ITPR1: variants seen among roughly 807,000 people sequenced by gnomAD.
ITPR1 encodes inositol 1,4,5-trisphosphate receptor type 1, also known as inositol 1,4,5-trisphosphate-gated calcium channel ITPR1.
A neutral mutation model predicts 318.4 loss-of-function variants in ITPR1; 96 were observed. That is an observed-to-expected ratio of 0.30 (90% confidence interval 0.26 to 0.36). The LOEUF is 0.36. Among genes scored for constraint, ITPR1 ranks in the 10% least tolerant of loss-of-function variants. The pLI, the probability that ITPR1 is intolerant of heterozygous loss-of-function variation, is 1.00. For synonymous variants in ITPR1, 1,312 were observed against 1,289.9 expected, an observed-to-expected ratio of 1.02 and a Z score of -0.37; for missense variants, 2,440 against 3,460.2, an observed-to-expected ratio of 0.71 and a Z score of 7.40.
intron 4 of ITPR1, among the ~76,000 whole-genome samples, chr3:4,610,639 C>T (rs1037031334): frequency 2.0e-5 from 3 of 152,110 alleles, no homozygotes; most frequent in Admixed American, 1.3e-4. Flanking sequence ...CTGAGAGGTA[C>T]TGAGGATGTA....
At chr3:4,676,163 G>C (rs1292127280) in intron 23 of ITPR1, among the ~76,000 whole-genome samples, 1 of 146,012 alleles carries the variant, frequency 6.8e-6, no homozygotes, top group Non-Finnish European at 1.5e-5. Flanking sequence ...GCAATATAGA[G>C]AGAACCTATC....
At chr3:4,795,543 C>G (rs2125415734) in intron 53 of ITPR1, among the ~76,000 whole-genome samples, 1 of 152,318 alleles carries the variant, frequency 6.6e-6, no homozygotes, top group South Asian at 2.1e-4. Context: ...AGAGCTAACC[C>G]TAAAACGTAG....
chr3:4,792,825 G>A (rs965426887), intron 52 of ITPR1, among the ~76,000 whole-genome samples: 1 of 152,220 alleles, frequency 6.6e-6, no homozygotes, highest in African/African-American at 2.4e-5. Flanking sequence ...GTTAAGTCCA[G>A]CCCATACTCA....
intron 18 of ITPR1, 55 bp downstream of exon 18, chr3:4,667,604 G>A: frequency 8.0e-6 from 12 of 1,505,694 alleles, no homozygotes; most frequent in Non-Finnish European, 1.1e-5. Context: ...AAGATGCAGG[G>A]ACTTAGCTGG....
chr3:4,703,189 G>T (rs546899924), intron 36 of ITPR1, among the ~76,000 whole-genome samples: 1 of 152,270 alleles, frequency 6.6e-6, no homozygotes, highest in African/African-American at 2.4e-5. Context: ...AGATAAACAA[G>T]CTTCCATGGT....
chr3:4,722,645 A>G (rs1037091890), intron 40 of ITPR1, among the ~76,000 whole-genome samples: 7 of 152,188 alleles, frequency 4.6e-5, no homozygotes, highest in Non-Finnish European at 7.3e-5. Flanking sequence ...CTTATCCTCA[A>G]GGAAACATAG....
intron 39 of ITPR1, among the ~76,000 whole-genome samples, chr3:4,715,129 C>T (rs529626496): frequency 1.3e-5 from 2 of 152,262 alleles, no homozygotes; most frequent in South Asian, 4.2e-4. Context: ...AGAATTTGCC[C>T]GGGGTTACAT....
intron 2 of ITPR1, among the ~76,000 whole-genome samples, chr3:4,505,203 C>G (rs2081314320): frequency 6.6e-6 from 1 of 152,036 alleles, no homozygotes; most frequent in Non-Finnish European, 1.5e-5. Context: ...CTTTTTTCCC[C>G]TTGTTTTTGA....
intron 2 of ITPR1, among the ~76,000 whole-genome samples, chr3:4,495,240 G>GT (rs1445712873): frequency 8.3e-6 from 1 of 120,922 alleles, no homozygotes; most frequent in Admixed American, 1.1e-4. Flanking sequence ...GCTATCAGGA[G>GT]TTTTTTCTCC....
At chr3:4,780,755 T>G (rs1306434506) in intron 49 of ITPR1, among the ~76,000 whole-genome samples, 1 of 152,154 alleles carries the variant, frequency 6.6e-6, no homozygotes, top group Non-Finnish European at 1.5e-5. Flanking sequence ...ATAACAAGCT[T>G]ATGTAACTGG....
rs546859832 is a variant in ITPR1, at chr3:4,615,583, T to A, written c.164-12180T>A. Among the ~76,000 whole-genome samples the A allele has an allele frequency of 1.2e-3, 175 of 151,786 alleles. 1 individual carries two copies. Among genetic ancestry groups the A allele is most frequent in the African/African-American group, 3.8e-3 (159 of 41,392 alleles). On this transcript the variant is annotated intron_variant, in intron 4 of 61. Transcript: ENST00000649015. ...TAGAGATGGTGTTTCACCATGTTGG[T>A]CAGGCTGGTCTCGAACTCCTGACCT...
chr3:4,702,787 A>AT, intron 35 of ITPR1, 43 bp from the exon 36 acceptor site: 1 of 1,599,270 alleles, frequency 6.3e-7, no homozygotes, highest in Non-Finnish European at 8.5e-7. Context: ...TAGTCTACAA[A>AT]TAAAAATCTG....
chr3:4,575,240 A>G (rs1288506238), intron 4 of ITPR1, among the ~76,000 whole-genome samples: 2 of 152,196 alleles, frequency 1.3e-5, no homozygotes, highest in East Asian at 3.8e-4. Context: ...GCACAAATAA[A>G]AGAGATCACA....
At chr3:4,607,011 A>C (rs2091750710) in intron 4 of ITPR1, among the ~76,000 whole-genome samples, 1 of 152,170 alleles carries the variant, frequency 6.6e-6, no homozygotes, top group African/African-American at 2.4e-5. Flanking sequence ...CCACGTGAGA[A>C]GTCTGACATT....
At chr3:4,815,018 G>T in intron 58 of ITPR1, 35 bp from the exon 59 acceptor site, 1 of 1,572,050 alleles carries the variant, frequency 6.4e-7, no homozygotes, top group Non-Finnish European at 8.7e-7. Context: ...GGGTCGCAAG[G>T]GACCCAGACT....
chr3:4,815,017 G>T (rs749665127), intron 58 of ITPR1, 36 bp from the exon 59 acceptor site: 4 of 1,555,468 alleles, frequency 2.6e-6, no homozygotes, highest in African/African-American at 1.4e-5. Flanking sequence ...AGGGTCGCAA[G>T]GGACCCAGAC....
intron 10 of ITPR1, among the ~76,000 whole-genome samples, chr3:4,649,415 TGTAGTAATGA>T (rs2093544110): frequency 6.6e-6 from 1 of 152,218 alleles, no homozygotes; most frequent in South Asian, 2.1e-4. Flanking sequence ...ATTTTATATT[TGTAGTAATGA>T]GCCAGGGTTT....
intron 51 of ITPR1, among the ~76,000 whole-genome samples, chr3:4,786,761 T>G (rs2047222963): frequency 1.3e-5 from 2 of 152,192 alleles, no homozygotes; most frequent in South Asian, 4.1e-4. Context: ...TGTCCACCCC[T>G]GGGGCCCAAA....
chr3:4,761,118 ACCACC>A (rs1333866979), intron 44 of ITPR1, among the ~76,000 whole-genome samples: 3 of 152,280 alleles, frequency 2.0e-5, no homozygotes, highest in Admixed American at 2.0e-4. Context: ...TCCAGAGGCA[ACCACC>A]ATTTTGGTGT....
Sources: allele counts gnomAD v4.1 joint callset (sites outside exome capture counted in the v4.1 genomes callset), GRCh38; gene constraint gnomAD v4.1.1; transcripts MANE v1.5; gene names NCBI Gene and HGNC (gene_info 2026-07-23, HGNC 2026-07-21).